The following SLC35F1 variants were observed in gnomAD, a reference collection of about 807,000 sequenced individuals.
The protein encoded by SLC35F1 is chromosome 6 open reading frame 169.
Under a neutral mutation model 48.7 loss-of-function variants are expected in SLC35F1, and 14 were observed. The observed-to-expected ratio is 0.29, with a 90% CI of 0.19 to 0.45. SLC35F1 has a LOEUF of 0.45. SLC35F1 is among the 20% of genes least tolerant of loss of function. The probability of loss-of-function intolerance (pLI) is 1.00; values close to 1 mark genes in which losing one functional copy is unlikely to be tolerated. For missense variants in SLC35F1, 404 were observed against 500.0 expected, an observed-to-expected ratio of 0.81 and a Z score of 1.83; for synonymous variants, 190 against 202.2, an observed-to-expected ratio of 0.94 and a Z score of 0.51.
intron 1 of SLC35F1, among the ~76,000 whole-genome samples, chr6:117,934,606 A>G (rs933486653): frequency 3.9e-5 from 6 of 152,218 alleles, no homozygotes; most frequent in African/African-American, 1.2e-4. Flanking sequence ...TGAAATTCAT[A>G]AATTATTATT....
At chr6:118,075,090 G>A (rs1772798163) in intron 1 of SLC35F1, among the ~76,000 whole-genome samples, 1 of 152,196 alleles carries the variant, frequency 6.6e-6, no homozygotes. Flanking sequence ...ATGAAGCCAT[G>A]TTCTGTTTTA....
chr6:117,935,965 G>A (rs1776157814), intron 1 of SLC35F1, among the ~76,000 whole-genome samples: 1 of 152,218 alleles, frequency 6.6e-6, no homozygotes, highest in Non-Finnish European at 1.5e-5. Context: ...TTCTTTGAAA[G>A]TCACCTTCTC....
At position 117,924,478 on chromosome 6, in the gene SLC35F1, G is replaced by GTATATACA. The variant is rs1487728736; in HGVS notation, c.173+16586_173+16587insATATATAC. On this transcript the variant is annotated intron_variant, in intron 1 of 7. Coordinates refer to ENST00000360388, the MANE Select transcript of SLC35F1 (RefSeq NM_001029858.4). ...TATATGTGTGTACATATATACATAT[G>GTATATACA]TATATACGTATATACATATGTATAT... is the stretch of plus-strand genomic sequence containing the variant. Among the ~76,000 whole-genome samples, 25 of 17,572 alleles carry GTATATACA rather than the reference G, an allele frequency of 1.4e-3. 1 individual carries two copies. The highest frequency in any genetic ancestry group is 4.2e-3 in the Non-Finnish European group (21 of 4,962). 11.5% of individuals were successfully genotyped at this position (17,572 alleles called of 152,430 possible).
chr6:117,962,572 G>C (rs924821614), intron 1 of SLC35F1, among the ~76,000 whole-genome samples: 2 of 152,046 alleles, frequency 1.3e-5, no homozygotes, highest in Admixed American at 1.3e-4. Flanking sequence ...AGCAGATGCT[G>C]CTCTCTTTCT....
At chr6:118,102,335 C>T (rs964786933) in intron 1 of SLC35F1, among the ~76,000 whole-genome samples, 3 of 152,086 alleles carry the variant, frequency 2.0e-5, no homozygotes, top group South Asian at 2.1e-4. Context: ...AAGCATGCAC[C>T]GCCACACCCA....
At chr6:118,289,974 C>T (rs1371408139) in intron 7 of SLC35F1, among the ~76,000 whole-genome samples, 1 of 152,146 alleles carries the variant, frequency 6.6e-6, no homozygotes, top group African/African-American at 2.4e-5. Context: ...TTAGACAAGA[C>T]AATTGTTTGT....
intron 7 of SLC35F1, among the ~76,000 whole-genome samples, chr6:118,287,358 T>G (rs914205949): frequency 6.6e-6 from 1 of 152,206 alleles, no homozygotes; most frequent in African/African-American, 2.4e-5. Flanking sequence ...TCTTAGCAAT[T>G]AATCTTGTAA....
At chr6:118,242,649 T>C (rs1775455874) in intron 3 of SLC35F1, among the ~76,000 whole-genome samples, 1 of 152,210 alleles carries the variant, frequency 6.6e-6, no homozygotes, top group South Asian at 2.1e-4. Context: ...CTACGCTATT[T>C]TTATAACTGT....
chr6:118,301,565 A>G (rs572950863), intron 7 of SLC35F1, among the ~76,000 whole-genome samples: 1 of 152,356 alleles, frequency 6.6e-6, no homozygotes, highest in Non-Finnish European at 1.5e-5. Flanking sequence ...ATAAATTTTA[A>G]TATTATAGCT....
chr6:118,222,491 T>G (rs1431765604), intron 2 of SLC35F1, among the ~76,000 whole-genome samples: 1 of 152,126 alleles, frequency 6.6e-6, no homozygotes, highest in Non-Finnish European at 1.5e-5. Context: ...AGGCCTATTT[T>G]CACTAATTTA....
intron 1 of SLC35F1, among the ~76,000 whole-genome samples, chr6:117,945,523 G>GA (rs1284199765): frequency 3.9e-5 from 6 of 152,076 alleles, no homozygotes; most frequent in Admixed American, 6.6e-5. Context: ...TAGCTTTTCT[G>GA]AAAAAATAAA....
chr6:118,047,571 CA>C (rs1772318669), intron 1 of SLC35F1, among the ~76,000 whole-genome samples: 1 of 152,138 alleles, frequency 6.6e-6, no homozygotes, highest in South Asian at 2.1e-4. Flanking sequence ...TCTTTGAAAT[CA>C]AATGATTTTT....
intron 1 of SLC35F1, among the ~76,000 whole-genome samples, chr6:118,048,196 G>A (rs770663109): frequency 9.4e-4 from 143 of 152,196 alleles, no homozygotes; most frequent in Non-Finnish European, 1.7e-3. Context: ...ATTGATTTGC[G>A]TATGTTAAAC....
chr6:118,215,350 G>A (rs546220798), intron 2 of SLC35F1, among the ~76,000 whole-genome samples: 1 of 152,264 alleles, frequency 6.6e-6, no homozygotes, highest in South Asian at 2.1e-4. Flanking sequence ...TGTGAGAAAA[G>A]AGTATTTTTG....
chr6:118,107,973 T>G (rs1390837298), intron 1 of SLC35F1, among the ~76,000 whole-genome samples: 1 of 152,116 alleles, frequency 6.6e-6, no homozygotes, highest in Non-Finnish European at 1.5e-5. Flanking sequence ...CACACAGCCC[T>G]AGCACAAGAA....
intron 6 of SLC35F1, among the ~76,000 whole-genome samples, chr6:118,281,503 G>A (rs920460149): frequency 5.3e-5 from 8 of 152,082 alleles, no homozygotes; most frequent in Admixed American, 5.2e-4. Flanking sequence ...CCAATGGGAG[G>A]CAGTAGAGGG....
At chr6:118,161,381 C>T (rs1202430760) in intron 2 of SLC35F1, among the ~76,000 whole-genome samples, 2 of 151,946 alleles carry the variant, frequency 1.3e-5, no homozygotes, top group Admixed American at 6.6e-5. Context: ...TGCTCACTCA[C>T]AGCCCAGTTC....
chr6:118,182,984 T>C (rs1774604931), intron 2 of SLC35F1, among the ~76,000 whole-genome samples: 1 of 152,212 alleles, frequency 6.6e-6, no homozygotes, highest in Non-Finnish European at 1.5e-5. Context: ...ATGAATATAA[T>C]GTATTATTGT....
chr6:118,038,986 T>C (rs1772172175), intron 1 of SLC35F1, among the ~76,000 whole-genome samples: 1 of 152,174 alleles, frequency 6.6e-6, no homozygotes, highest in Non-Finnish European at 1.5e-5. Flanking sequence ...TAAAATTAAT[T>C]TTTGTATATT....
Sources: gnomAD v4.1 joint callset for allele counts (sites outside exome capture counted in the v4.1 genomes callset) on GRCh38, gnomAD v4.1.1 for gene constraint, MANE v1.5 for transcripts, NCBI Gene and HGNC (gene_info 2026-07-23, HGNC 2026-07-21) for gene names.